MLLT3: variants seen among roughly 807,000 people sequenced by gnomAD.
MLLT3 encodes MLLT3 super elongation complex subunit.
In MLLT3, 4 loss-of-function variants were observed where a neutral mutation model predicts 53.2. The observed-to-expected ratio is 0.08, with a 90% CI of 0.04 to 0.17. The LOEUF is 0.17. Among genes scored for constraint, MLLT3 ranks in the 10% least tolerant of loss-of-function variants. The pLI is 1.00. For missense variants in MLLT3, 569 were observed against 684.0 expected (o/e 0.83, Z 1.87); for synonymous variants, 283 against 230.6 (o/e 1.23, Z -2.06).
chr9:20,508,589 TG>T (rs1201182818), intron 2 of MLLT3, among the ~76,000 whole-genome samples: 1 of 152,106 alleles, frequency 6.6e-6, no homozygotes, highest in East Asian at 1.9e-4. Flanking sequence ...ATGATTTAGA[TG>T]GGTAAGAACA....
rs563942898 is a variant in MLLT3, at chr9:20,528,698, C to G, written c.194-71912G>C. ...TCTGTCAAATCTCACCCTCATTTCA[C>G]TAGGATACTTAAGATGAAATTTAGG... is the stretch of plus-strand genomic sequence containing the variant. On this transcript the variant is annotated intron_variant, in intron 2 of 10. Transcript: ENST00000380338. Among the ~76,000 whole-genome samples, 9 of 152,336 alleles carry G rather than the reference C, an allele frequency of 5.9e-5. No individual in the cohort carries two copies. In the East Asian group the frequency reaches 1.7e-3, roughly 29 times the overall value.
chr9:20,589,130 G>A (rs1021244293), intron 2 of MLLT3, among the ~76,000 whole-genome samples: 1 of 148,648 alleles, frequency 6.7e-6, no homozygotes, highest in African/African-American at 2.5e-5. Flanking sequence ...AAAGACGCAT[G>A]CACACGTATG....
At chr9:20,346,816 G>A (rs576564597) in intron 10 of MLLT3, among the ~76,000 whole-genome samples, 1 of 152,160 alleles carries the variant, frequency 6.6e-6, no homozygotes, top group African/African-American at 2.4e-5. Context: ...TTAAACTGAT[G>A]TCTGCTTTCA....
intron 2 of MLLT3, among the ~76,000 whole-genome samples, chr9:20,554,809 G>C (rs954166031): frequency 1.1e-4 from 17 of 152,050 alleles, no homozygotes; most frequent in African/African-American, 3.4e-4. Flanking sequence ...TTGACCATTT[G>C]CTCTTGTACT....
chr9:20,546,220 A>G (rs1818783462), intron 2 of MLLT3, among the ~76,000 whole-genome samples: 1 of 151,242 alleles, frequency 6.6e-6, no homozygotes, highest in Admixed American at 6.6e-5. Flanking sequence ...GAGAGAATAC[A>G]ATGTTGCTTG....
At chr9:20,352,871 T>TA (rs1211035762) in intron 10 of MLLT3, among the ~76,000 whole-genome samples, 1 of 151,548 alleles carries the variant, frequency 6.6e-6, no homozygotes, top group African/African-American at 2.4e-5. Flanking sequence ...CTTTGGGTGT[T>TA]AAAAAAAATT....
chr9:20,532,052 G>C (rs1243286277), intron 2 of MLLT3, among the ~76,000 whole-genome samples: 2 of 152,044 alleles, frequency 1.3e-5, no homozygotes, highest in Non-Finnish European at 2.9e-5. Flanking sequence ...TAAAACGATT[G>C]CAAGTTGTTT....
intron 4 of MLLT3, among the ~76,000 whole-genome samples, chr9:20,429,185 T>C (rs750368945): frequency 3.3e-5 from 5 of 151,846 alleles, no homozygotes; most frequent in Non-Finnish European, 4.4e-5. Context: ...CTGGGCAATA[T>C]AGCAAGACCC....
At chr9:20,527,099 C>G (rs1351627668) in intron 2 of MLLT3, among the ~76,000 whole-genome samples, 1 of 152,022 alleles carries the variant, frequency 6.6e-6, no homozygotes, top group Non-Finnish European at 1.5e-5. Flanking sequence ...AGACAAAGAA[C>G]AGTGTAAGAT....
In MLLT3 at chr9:20,621,918, T is replaced by TGA; in HGVS notation, c.12+326_12+327insTC. The stretch of plus-strand genomic sequence containing the variant: ...TCCTTCCACCGTGTGTGTGTGTGTG[T>TGA]GTGAGTGCGCGCGTGTGAGCGAGAG... On this transcript the variant is annotated intron_variant, in intron 1 of 10. Transcript: ENST00000380338. The surrounding 1 kb of genome is among the most constrained non-coding windows in gnomAD (Gnocchi z 7.0). 1.4e-6 allele frequency: 2 copies of TGA among 1,382,760 alleles called. No homozygotes were observed. Among genetic ancestry groups the TGA allele is most frequent in the Non-Finnish European group, 9.3e-7 (1 of 1,074,572 alleles). The allele number at this position is 1,382,760 out of a possible 1,614,324, so 85.7% of individuals were successfully genotyped here.
At chr9:20,564,549 T>C (rs922377866) in intron 2 of MLLT3, among the ~76,000 whole-genome samples, 8 of 152,148 alleles carry the variant, frequency 5.3e-5, no homozygotes, top group African/African-American at 1.9e-4. Context: ...TACATAAGCT[T>C]CCCAATACAG....
chr9:20,497,196 A>G (rs1165414240), intron 2 of MLLT3, among the ~76,000 whole-genome samples: 1 of 152,244 alleles, frequency 6.6e-6, no homozygotes, highest in Non-Finnish European at 1.5e-5. Context: ...GACAGACAGT[A>G]GAATATGGCC....
At chr9:20,568,222 G>T (rs1453458268) in intron 2 of MLLT3, among the ~76,000 whole-genome samples, 1 of 152,118 alleles carries the variant, frequency 6.6e-6, no homozygotes, top group Non-Finnish European at 1.5e-5. Context: ...AGGGAGGAAA[G>T]GAGGCTTAGA....
chr9:20,350,139 C>A (rs1396538326), intron 10 of MLLT3, among the ~76,000 whole-genome samples: 1 of 152,216 alleles, frequency 6.6e-6, no homozygotes, highest in African/African-American at 2.4e-5. Flanking sequence ...AAAGCCTGAA[C>A]ACACCCCATG....
At chr9:20,510,727 T>A (rs777927047) in intron 2 of MLLT3, among the ~76,000 whole-genome samples, 14 of 151,714 alleles carry the variant, frequency 9.2e-5, no homozygotes, top group Non-Finnish European at 1.9e-4. Flanking sequence ...GGGAGAGGGG[T>A]TTGAAAGTTT....
chr9:20,481,670 G>C (rs977047369), intron 2 of MLLT3, among the ~76,000 whole-genome samples: 1 of 151,972 alleles, frequency 6.6e-6, no homozygotes, highest in Non-Finnish European at 1.5e-5. Context: ...GCTCCGTTCC[G>C]CCTACCATGC....
At chr9:20,500,618 C>A (rs921884079) in intron 2 of MLLT3, among the ~76,000 whole-genome samples, 2 of 152,110 alleles carry the variant, frequency 1.3e-5, no homozygotes, top group Non-Finnish European at 2.9e-5. Context: ...AACTATTGAC[C>A]ACTCAGTTCA....
chr9:20,345,120 G>A lies in MLLT3; in HGVS notation c.*1323C>T, dbSNP rs1426662977. The stretch of plus-strand genomic sequence containing the variant: ...TTGCATGCCACAGGACAGATTTCTA[G>A]TTTCAAAACAAGGGTACAACAAGAA... On this transcript the variant is annotated 3_prime_UTR_variant, in exon 11 of 11. Coordinates refer to ENST00000380338, the MANE Select transcript of MLLT3 (RefSeq NM_004529.4). The A allele has an allele frequency of 4.5e-6, 1 of 222,172 alleles. No homozygotes were observed. The allele number at this position is 222,172 out of a possible 1,614,324, so 13.8% of individuals were successfully genotyped here.
intron 5 of MLLT3, among the ~76,000 whole-genome samples, chr9:20,384,455 T>C (rs138648693): frequency 5.3e-5 from 8 of 152,212 alleles, no homozygotes; most frequent in Admixed American, 1.3e-4. Flanking sequence ...GTAAGAGGTT[T>C]TGTTATACAT....
Sources: allele counts gnomAD v4.1 joint callset (sites outside exome capture counted in the v4.1 genomes callset), GRCh38; gene constraint gnomAD v4.1.1; non-coding constraint Gnocchi (gnomAD v3.1); transcripts MANE v1.5; gene names NCBI Gene and HGNC (gene_info 2026-07-23, HGNC 2026-07-21).